CNTLN: variants seen among roughly 807,000 people sequenced by gnomAD.
The protein encoded by CNTLN is centlein, also known as centlein, centrosomal protein.
Under a neutral mutation model 180.0 loss-of-function variants are expected in CNTLN, and 212 were observed. The ratio of observed to expected loss-of-function variants is 1.18; its 90% CI spans 1.05 to 1.32. The LOEUF (loss-of-function observed/expected upper bound fraction) is 1.32. Among genes scored for constraint, CNTLN ranks in the 40% most tolerant of loss-of-function variants. CNTLN has a pLI of 0.00. For synonymous variants in CNTLN, 722 were observed against 563.1 expected (o/e 1.28, Z -3.99); for missense variants, 2,095 against 1,610.9 (o/e 1.30, Z -5.14).
chr9:17,359,483 A>G (rs913487397), intron 12 of CNTLN, among the ~76,000 whole-genome samples: 1 of 151,982 alleles, frequency 6.6e-6, no homozygotes, highest in Non-Finnish European at 1.5e-5. Flanking sequence ...TGTCCAGGAA[A>G]GTAGTAGTAC....
At chr9:17,194,288 A>G (rs1821981019) in intron 2 of CNTLN, among the ~76,000 whole-genome samples, 2 of 152,210 alleles carry the variant, frequency 1.3e-5, no homozygotes, top group African/African-American at 4.8e-5. Context: ...TTTGTATCAC[A>G]TTGTTAGGCT....
chr9:17,394,194 G>T (rs1449493560), intron 14 of CNTLN, among the ~76,000 whole-genome samples: 1 of 152,012 alleles, frequency 6.6e-6, no homozygotes, highest in African/African-American at 2.4e-5. Context: ...AGACATTTGT[G>T]TATATTATTT....
At position 17,390,630 on chromosome 9, in the gene CNTLN, T is replaced by C. The variant is rs56684442; in HGVS notation, c.2079+2377T>C. ...CTTGAGCTGAATTATAACCCACAGA[T>C]TGAATACTTTTAACAGTTCCCCAGA... On this transcript the variant is annotated intron_variant, in intron 14 of 25. Transcript: ENST00000380647. Among the ~76,000 whole-genome samples the C allele has an allele frequency of 4.3e-3, 653 of 152,274 alleles. 2 individuals are homozygous for C. Among genetic ancestry groups the C allele is most frequent in the East Asian group, 0.015 (77 of 5,176 alleles).
chr9:17,262,416 TC>T, intron 5 of CNTLN, among the ~76,000 whole-genome samples: 1 of 151,606 alleles, frequency 6.6e-6, no homozygotes, highest in Middle Eastern at 3.4e-3. Flanking sequence ...TGAGTTCACA[TC>T]CTTTGCAGGG....
chr9:17,327,921 C>A (rs1054426049), intron 8 of CNTLN, among the ~76,000 whole-genome samples: 1 of 151,940 alleles, frequency 6.6e-6, no homozygotes, highest in Non-Finnish European at 1.5e-5. Flanking sequence ...CCATTGCACT[C>A]CAGCCTGGGC....
intron 13 of CNTLN, among the ~76,000 whole-genome samples, chr9:17,385,448 C>T (rs1246767383): frequency 6.6e-6 from 1 of 152,124 alleles, no homozygotes; most frequent in East Asian, 1.9e-4. Context: ...AGGGGCTCAC[C>T]AGGAATCATC....
At chr9:17,337,755 A>G (rs573952394) in intron 10 of CNTLN, among the ~76,000 whole-genome samples, 2 of 152,310 alleles carry the variant, frequency 1.3e-5, no homozygotes, top group East Asian at 3.9e-4. Context: ...GTGTCAATAC[A>G]TATAAGAATC....
At chr9:17,433,033 A>AAAAAAAC (rs1829518850) in intron 18 of CNTLN, among the ~76,000 whole-genome samples, 1 of 150,112 alleles carries the variant, frequency 6.7e-6, no homozygotes, top group African/African-American at 2.5e-5. Flanking sequence ...AAAAAAAAAA[A>AAAAAAAC]AAAAACAAAG....
chr9:17,262,798 T>G (rs1587389516), intron 5 of CNTLN, among the ~76,000 whole-genome samples: 1 of 151,370 alleles, frequency 6.6e-6, no homozygotes, highest in African/African-American at 2.5e-5. Context: ...TTAAAGGGAA[T>G]GCTTCCAGCT....
At chr9:17,233,246 TAA>T (rs1262085739) in intron 3 of CNTLN, among the ~76,000 whole-genome samples, 1 of 152,122 alleles carries the variant, frequency 6.6e-6, no homozygotes, top group Non-Finnish European at 1.5e-5. Flanking sequence ...AAGTTTCGTA[TAA>T]GTTATTTTTA....
At chr9:17,422,981 A>T (rs113572920) in intron 18 of CNTLN, among the ~76,000 whole-genome samples, 1,794 of 152,276 alleles carry the variant, frequency 0.012, 38 homozygotes, top group African/African-American at 0.041. Flanking sequence ...GACTTGTACC[A>T]CCTTGGTGGG....
Position 17,457,555 on chromosome 9 carries a change from A to G in CNTLN, c.3146A>G (p.Lys1049Arg). Residue 1049 changes from lysine to arginine, a missense_variant, in exon 19 of 26, where the codon AAA becomes AGA. Physicochemically the swap from Lys to Arg is conservative, Grantham distance 26. Coordinates refer to ENST00000380647, the MANE Select transcript of CNTLN (RefSeq NM_017738.4). ...KLNLDLAGLRKEKEDLLKKLE... is the reference protein window; with the variant it reads ...KLNLDLAGLRREKEDLLKKLE... Reference sequence around the variant, plus strand: ...AATTTGGATTTGGCTGGGCTTCGGAAAGAAAAAGAAGATTTACTAAAGAAA... The same window carrying G: ...AATTTGGATTTGGCTGGGCTTCGGAGAGAAAAAGAAGATTTACTAAAGAAA... The G allele has an allele frequency of 6.6e-7, 1 of 1,512,326 alleles. No homozygotes were observed. Among genetic ancestry groups the G allele is most frequent in the Non-Finnish European group, 8.9e-7 (1 of 1,127,950 alleles). 93.7% of individuals were successfully genotyped at this position (1,512,326 alleles called of 1,614,324 possible).
intron 2 of CNTLN, among the ~76,000 whole-genome samples, chr9:17,225,316 G>A (rs572673486): frequency 1.3e-5 from 2 of 151,968 alleles, no homozygotes; most frequent in Non-Finnish European, 2.9e-5. Flanking sequence ...CAGAAGTCAA[G>A]CTCCTTTCCA....
intron 2 of CNTLN, among the ~76,000 whole-genome samples, chr9:17,149,398 C>T (rs1446908777): frequency 6.6e-6 from 1 of 151,906 alleles, no homozygotes; most frequent in African/African-American, 2.4e-5. Flanking sequence ...GCCACACTAT[C>T]TTCCACAATG....
intron 5 of CNTLN, among the ~76,000 whole-genome samples, chr9:17,266,708 G>C (rs944601176): frequency 6.6e-6 from 1 of 152,146 alleles, no homozygotes; most frequent in Non-Finnish European, 1.5e-5. Flanking sequence ...CTTGCTTTAT[G>C]AATCTGGGTG....
intron 6 of CNTLN, among the ~76,000 whole-genome samples, chr9:17,287,559 T>A (rs1490698679): frequency 1.3e-5 from 2 of 150,286 alleles, no homozygotes; most frequent in Non-Finnish European, 3.0e-5. Flanking sequence ...TTTCTATTGA[T>A]TGGAATAGTT....
chr9:17,236,363 G>C, intron 4 of CNTLN, 46 bp from the exon 5 acceptor site: 2 of 1,481,820 alleles, frequency 1.3e-6, no homozygotes, highest in Non-Finnish European at 1.8e-6. Flanking sequence ...TGGGTTTTTT[G>C]TTTCGTTTTG....
intron 6 of CNTLN, among the ~76,000 whole-genome samples, chr9:17,295,361 C>T (rs1290412797): frequency 6.6e-6 from 1 of 152,210 alleles, no homozygotes; most frequent in African/African-American, 2.4e-5. Flanking sequence ...CGAGCCACGA[C>T]TGCGAGGGCT....
At chr9:17,281,767 TA>T in intron 6 of CNTLN, among the ~76,000 whole-genome samples, 1 of 152,226 alleles carries the variant, frequency 6.6e-6, no homozygotes, top group Admixed American at 6.5e-5. Flanking sequence ...TGTATCTTTA[TA>T]ATAGAATGAT....
Sources: allele counts gnomAD v4.1 joint callset (sites outside exome capture counted in the v4.1 genomes callset), GRCh38; gene constraint gnomAD v4.1.1; transcripts MANE v1.5; gene names NCBI Gene and HGNC (gene_info 2026-07-23, HGNC 2026-07-21).